Variants in PRKG1 observed in about 807,000 individuals in gnomAD.
The protein encoded by PRKG1 is cGMP-dependent protein kinase 1.
A neutral mutation model predicts 88.1 loss-of-function variants in PRKG1; 35 were observed. That is an observed-to-expected ratio of 0.40 (90% CI 0.30 to 0.53). The LOEUF (loss-of-function observed/expected upper bound fraction) is 0.53. Among genes scored for constraint, PRKG1 ranks in the 20% least tolerant of loss-of-function variants. The pLI is 0.59. For synonymous variants in PRKG1, 303 were observed against 292.5 expected, an observed-to-expected ratio of 1.04 and a Z score of -0.37; for missense variants, 540 against 839.8, an observed-to-expected ratio of 0.64 and a Z score of 4.41.
At chr10:51,089,815 G>A (rs1036979622) in intron 1 of PRKG1, among the ~76,000 whole-genome samples, 1 of 152,144 alleles carries the variant, frequency 6.6e-6, no homozygotes, top group East Asian at 1.9e-4. Flanking sequence ...AAAGAGTTAA[G>A]GTAATATAAC....
chr10:51,921,336 TAAC>T (rs1842458688), intron 5 of PRKG1, among the ~76,000 whole-genome samples: 1 of 152,124 alleles, frequency 6.6e-6, no homozygotes, highest in Admixed American at 6.6e-5. Flanking sequence ...TTCTCTACAA[TAAC>T]AAGCATGTAA....
chr10:51,348,971 G>T (rs1180535804), intron 2 of PRKG1, among the ~76,000 whole-genome samples: 1 of 152,114 alleles, frequency 6.6e-6, no homozygotes, highest in Non-Finnish European at 1.5e-5. Flanking sequence ...ATATAAAATA[G>T]CTCACTTGGC....
chr10:50,991,328 C>CGCCGCCTCT lies in PRKG1; in HGVS notation c.-45_-44insTCTGCCGCC. The CGCCGCCTCT allele has an allele frequency of 6.7e-7, 1 of 1,481,662 alleles. No homozygotes were observed. Among genetic ancestry groups the CGCCGCCTCT allele is most frequent in the East Asian group, 2.8e-5 (1 of 35,526 alleles). The allele number at this position is 1,481,662 out of a possible 1,614,324, so 91.8% of individuals were successfully genotyped here. The stretch of plus-strand genomic sequence containing the variant: ...CCGTCCCAGCCGCCGCCGCCGCCGC[C>CGCCGCCTCT]GCCGCCGCCGCCGCCCGAGAAAAAG... On this transcript the variant is annotated 5_prime_UTR_variant, in exon 1 of 18. Coordinates refer to the PRKG1 transcript ENST00000401604. The surrounding 1 kb of genome is among the most constrained non-coding windows in gnomAD (Gnocchi z 4.5).
chr10:52,193,963 A>G (rs1166307537), intron 9 of PRKG1, among the ~76,000 whole-genome samples: 1 of 152,302 alleles, frequency 6.6e-6, no homozygotes, highest in East Asian at 1.9e-4. Flanking sequence ...TTATTTTTCT[A>G]TTTTAAATGT....
intron 14 of PRKG1, 92 bp downstream of exon 14, chr10:52,282,408 G>A (rs988566865): frequency 8.1e-7 from 1 of 1,238,142 alleles, no homozygotes; most frequent in Admixed American, 2.6e-5. Flanking sequence ...CCATCTTAAA[G>A]TACTTTTCAC....
At chr10:51,347,567 C>T (rs1311215403) in intron 2 of PRKG1, among the ~76,000 whole-genome samples, 1 of 152,050 alleles carries the variant, frequency 6.6e-6, no homozygotes, top group Non-Finnish European at 1.5e-5. Flanking sequence ...GTGATAGTTT[C>T]TCGTTGGTTT....
At chr10:51,115,096 A>C (rs1845081755) in intron 1 of PRKG1, among the ~76,000 whole-genome samples, 1 of 151,664 alleles carries the variant, frequency 6.6e-6, no homozygotes, top group Non-Finnish European at 1.5e-5. Flanking sequence ...CGGGCAGATC[A>C]CGAGGTCAGG....
chr10:51,475,370 G>T (rs980788384), intron 3 of PRKG1, among the ~76,000 whole-genome samples: 1 of 151,956 alleles, frequency 6.6e-6, no homozygotes, highest in African/African-American at 2.4e-5. Context: ...AATTTTGGGG[G>T]TGGGTCACAG....
At chr10:51,357,976 CA>C (rs1329172288) in intron 2 of PRKG1, among the ~76,000 whole-genome samples, 2 of 151,616 alleles carry the variant, frequency 1.3e-5, no homozygotes, top group Non-Finnish European at 2.9e-5. Context: ...TTTTAAGTTA[CA>C]AAACTTTTAA....
At chr10:51,079,037 T>C (rs1394113743) in intron 1 of PRKG1, among the ~76,000 whole-genome samples, 1 of 152,194 alleles carries the variant, frequency 6.6e-6, no homozygotes, top group South Asian at 2.1e-4. Context: ...CTGTTGGAAG[T>C]TGAGAGAATT....
chr10:51,740,080 T>G (rs970119415), intron 3 of PRKG1, among the ~76,000 whole-genome samples: 1 of 152,128 alleles, frequency 6.6e-6, no homozygotes, highest in Non-Finnish European at 1.5e-5. Context: ...CAGGCTGGAG[T>G]GCAGTGGTAT....
At chr10:51,464,994 T>C (rs1178921603) in intron 2 of PRKG1, among the ~76,000 whole-genome samples, 1 of 152,144 alleles carries the variant, frequency 6.6e-6, no homozygotes, top group Admixed American at 6.5e-5. Context: ...ATTCTGGCTG[T>C]AATGCCATAT....
At chr10:51,088,792 G>T (rs1008345645) in intron 1 of PRKG1, among the ~76,000 whole-genome samples, 5 of 148,880 alleles carry the variant, frequency 3.4e-5, no homozygotes, top group Non-Finnish European at 7.4e-5. Flanking sequence ...ATGGCACACA[G>T]TAGATATTTA....
chr10:52,180,114 T>C (rs897787817), intron 9 of PRKG1, among the ~76,000 whole-genome samples: 1 of 152,208 alleles, frequency 6.6e-6, no homozygotes, highest in Non-Finnish European at 1.5e-5. Flanking sequence ...TTATTTTATC[T>C]TTTTTTCCTC....
intron 9 of PRKG1, among the ~76,000 whole-genome samples, chr10:52,216,751 G>A (rs959945640): frequency 1.3e-5 from 2 of 152,102 alleles, no homozygotes; most frequent in Admixed American, 1.3e-4. Context: ...AGATCAGTTT[G>A]TTATCTTTTT....
At chr10:51,204,516 T>C (rs1359077408) in intron 2 of PRKG1, among the ~76,000 whole-genome samples, 3 of 152,122 alleles carry the variant, frequency 2.0e-5, no homozygotes, top group Non-Finnish European at 4.4e-5. Flanking sequence ...TCAGGCCATT[T>C]TTAACAGGAT....
chr10:52,110,471 G>A (rs934527920), intron 7 of PRKG1, among the ~76,000 whole-genome samples: 3 of 151,964 alleles, frequency 2.0e-5, no homozygotes, highest in African/African-American at 7.3e-5. Flanking sequence ...GAAAGATGGA[G>A]GCAGGAGGAA....
intron 2 of PRKG1, among the ~76,000 whole-genome samples, chr10:51,273,911 C>T (rs1230754686): frequency 1.3e-5 from 2 of 152,198 alleles, no homozygotes; most frequent in Admixed American, 6.5e-5. Context: ...GAGGCGCCTG[C>T]GCAGGTTAGA....
In PRKG1 at chr10:51,014,241, G is replaced by A. The variant is rs78715282; in HGVS notation, c.266+22597G>A. Among the ~76,000 whole-genome samples the A allele has an allele frequency of 6.5e-3, 992 of 151,734 alleles. 11 individuals carry two copies. The highest frequency in any genetic ancestry group is 0.023 in the African/African-American group (944 of 41,368). ...TGCTTCCTGATAGAAGTGCACCAGG[G>A]CTTTAGGCTCACTGATTCCCGTTGA... is the stretch of plus-strand genomic sequence containing the variant. On this transcript the variant is annotated intron_variant, in intron 1 of 17. Coordinates refer to the PRKG1 transcript ENST00000401604.
Sources: allele counts gnomAD v4.1 joint callset (sites outside exome capture counted in the v4.1 genomes callset), GRCh38; gene constraint gnomAD v4.1.1; non-coding constraint Gnocchi (gnomAD v3.1); transcripts MANE v1.5; gene names NCBI Gene and HGNC (gene_info 2026-07-23, HGNC 2026-07-21).